The following EFCAB11 variants were observed in gnomAD, a reference collection of about 807,000 sequenced individuals.
EFCAB11 encodes the protein EF-hand calcium binding domain 11.
A neutral mutation model predicts 23.0 loss-of-function variants in EFCAB11; 14 were observed. The ratio of observed to expected loss-of-function variants is 0.61; its 90% CI spans 0.40 to 0.95. EFCAB11 has a LOEUF of 0.95. Ranked by LOEUF, EFCAB11 falls within the 40% of genes least tolerant of loss-of-function variation. EFCAB11 has a pLI of 0.00. For missense variants in EFCAB11, 198 were observed against 195.8 expected, an observed-to-expected ratio of 1.01 and a Z score of -0.07; for synonymous variants, 65 against 66.6, an observed-to-expected ratio of 0.98 and a Z score of 0.11.
chr14:89,923,775 A>C, intron 5 of EFCAB11: 2 of 985,402 alleles, frequency 2.0e-6, no homozygotes, highest in Non-Finnish European at 2.4e-6. Context: ...AGCACAAAAT[A>C]ATGACTGGAA....
intron 5 of EFCAB11, among the ~76,000 whole-genome samples, chr14:89,840,899 G>A (rs1358863740): frequency 6.6e-6 from 1 of 152,206 alleles, no homozygotes; most frequent in African/African-American, 2.4e-5. Flanking sequence ...ATGCATCATT[G>A]TGTAAAAAGA....
At chr14:89,846,236 T>C (rs531035852) in intron 5 of EFCAB11, among the ~76,000 whole-genome samples, 2 of 152,342 alleles carry the variant, frequency 1.3e-5, no homozygotes, top group East Asian at 3.9e-4. Flanking sequence ...GTACATCCTC[T>C]GGAAGGAGAA....
chr14:89,832,823 G>A (rs897213055), intron 5 of EFCAB11, among the ~76,000 whole-genome samples: 7 of 152,076 alleles, frequency 4.6e-5, no homozygotes, highest in East Asian at 1.9e-4. Flanking sequence ...CTCAAAGTAC[G>A]GTTTCTACTC....
chr14:89,953,271 C>T (rs150129655), intron 2 of EFCAB11, among the ~76,000 whole-genome samples: 1 of 150,632 alleles, frequency 6.6e-6, no homozygotes, highest in Non-Finnish European at 1.5e-5. Flanking sequence ...GAATATGCAA[C>T]CATATTTTAA....
chr14:89,875,152 G>A (rs908234510), intron 5 of EFCAB11, among the ~76,000 whole-genome samples: 11 of 152,170 alleles, frequency 7.2e-5, no homozygotes, highest in East Asian at 1.9e-4. Flanking sequence ...CGGGGTTCGC[G>A]TAACTAGTTA....
chr14:89,874,889 CAAA>C (rs756026860), intron 5 of EFCAB11, among the ~76,000 whole-genome samples: 1 of 136,028 alleles, frequency 7.4e-6, no homozygotes, highest in Non-Finnish European at 1.6e-5. Context: ...GAAACTGTCT[CAAA>C]AAAAAAAAAA....
intron 5 of EFCAB11, among the ~76,000 whole-genome samples, chr14:89,850,479 G>A (rs75222705): frequency 6.6e-6 from 1 of 152,172 alleles, no homozygotes; most frequent in Non-Finnish European, 1.5e-5. Context: ...AGCCCAGGAG[G>A]GACATTTTAA....
intron 5 of EFCAB11, among the ~76,000 whole-genome samples, chr14:89,798,332 T>C (rs1885644115): frequency 6.6e-6 from 1 of 152,234 alleles, no homozygotes; most frequent in African/African-American, 2.4e-5. Context: ...TCATATAAAA[T>C]GATTGCAGAC....
At chr14:89,820,863 T>G (rs1397288233) in intron 5 of EFCAB11, among the ~76,000 whole-genome samples, 2 of 151,592 alleles carry the variant, frequency 1.3e-5, no homozygotes, top group Non-Finnish European at 2.9e-5. Flanking sequence ...TGAAGGTAAT[T>G]TTTAGATTTT....
intron 5 of EFCAB11, among the ~76,000 whole-genome samples, chr14:89,912,526 T>C (rs1408839892): frequency 6.6e-6 from 1 of 152,248 alleles, no homozygotes. Flanking sequence ...CAAATTTCTA[T>C]ACTGCTCTAT....
rs149039695 is a variant in EFCAB11, at chr14:89,914,494, G to A, written c.410+17047C>T. Among the ~76,000 whole-genome samples the A allele has an allele frequency of 1.6e-3, 247 of 152,310 alleles. 5 individuals are homozygous for A. The East Asian group carries it at 0.037, about 23-fold the overall frequency. On this transcript the variant is annotated intron_variant, in intron 5 of 5. Coordinates refer to ENST00000316738, the MANE Select transcript of EFCAB11 (RefSeq NM_145231.4). ...AATCTGCATAAGTAATTAAAAGACA[G>A]TTATGAAAGGCTGGGTACAGTGGCT... is the stretch of plus-strand genomic sequence containing the variant.
rs78687069 is a variant in EFCAB11 at position 89,915,448 on chromosome 14, T to C, written c.410+16093A>G. On this transcript the variant is annotated intron_variant, in intron 5 of 5. Coordinates refer to ENST00000316738, the MANE Select transcript of EFCAB11 (RefSeq NM_145231.4). ...TTCAATCAGTTTCTTAGCAGAGTTT[T>C]TGGCACCACCAACTGGTGAAAGAGG... 6.0e-3 allele frequency among the ~76,000 whole-genome samples: 915 copies of C among 152,360 alleles called. 8 individuals are homozygous for C. Among genetic ancestry groups the C allele is most frequent in the African/African-American group, 0.021 (885 of 41,588 alleles).
At chr14:89,798,087 CAT>C (rs1412651153) in intron 5 of EFCAB11, among the ~76,000 whole-genome samples, 1 of 152,194 alleles carries the variant, frequency 6.6e-6, no homozygotes, top group Non-Finnish European at 1.5e-5. Context: ...TCAACCATGA[CAT>C]AGGACTTTTT....
chr14:89,806,741 A>G lies in EFCAB11; in HGVS notation c.411-9417T>C, dbSNP rs186173413. On this transcript the variant is annotated intron_variant, in intron 5 of 5. Transcript: ENST00000316738. ...GCCCTGGGCAAGTTTCTCAACTGCTATGACTTTGAAGCTCCTCACTTGTCA... is the reference window on the plus strand; with the variant it reads ...GCCCTGGGCAAGTTTCTCAACTGCTGTGACTTTGAAGCTCCTCACTTGTCA... 2.0e-5 allele frequency among the ~76,000 whole-genome samples: 3 copies of G among 152,318 alleles called. No homozygotes were observed. The South Asian group carries it at 6.2e-4, about 32-fold the overall frequency.
At chr14:89,834,279 G>GGCAGGTGA (rs2140118215) in intron 5 of EFCAB11, among the ~76,000 whole-genome samples, 1 of 149,556 alleles carries the variant, frequency 6.7e-6, no homozygotes, top group East Asian at 2.0e-4. Flanking sequence ...AGGAGGCTGA[G>GGCAGGTGA]GCAGGTGAAT....
chr14:89,879,916 CA>C (rs1398141955), intron 5 of EFCAB11, among the ~76,000 whole-genome samples: 1 of 152,162 alleles, frequency 6.6e-6, no homozygotes, highest in African/African-American at 2.4e-5. Flanking sequence ...TAGCAAAATT[CA>C]TTACGTATAA....
intron 5 of EFCAB11, among the ~76,000 whole-genome samples, chr14:89,907,146 A>C (rs1243640512): frequency 6.6e-6 from 1 of 152,204 alleles, no homozygotes; most frequent in Admixed American, 6.5e-5. Context: ...AACTTGGAAG[A>C]ACTGACCAAC....
intron 5 of EFCAB11, among the ~76,000 whole-genome samples, chr14:89,798,485 T>C (rs1188775266): frequency 6.6e-6 from 1 of 152,240 alleles, no homozygotes; most frequent in African/African-American, 2.4e-5. Context: ...AGAATATAAA[T>C]CATCCCTTTT....
chr14:89,848,139 T>C (rs983083882), intron 5 of EFCAB11, among the ~76,000 whole-genome samples: 1 of 152,226 alleles, frequency 6.6e-6, no homozygotes, highest in Non-Finnish European at 1.5e-5. Context: ...GATTAATTTA[T>C]ATCATTATCC....
Sources: gnomAD v4.1 joint callset for allele counts (sites outside exome capture counted in the v4.1 genomes callset) on GRCh38, gnomAD v4.1.1 for gene constraint, MANE v1.5 for transcripts, NCBI Gene and HGNC (gene_info 2026-07-23, HGNC 2026-07-21) for gene names.